Variants in STAT5A observed in about 807,000 individuals in gnomAD.
STAT5A encodes the protein signal transducer and activator of transcription 5A, also known as epididymis secretory sperm binding protein.
A neutral mutation model predicts 100.2 loss-of-function variants in STAT5A; 26 were observed. The ratio of observed to expected loss-of-function variants is 0.26; its 90% CI spans 0.19 to 0.36. STAT5A has a LOEUF of 0.36. Ranked by LOEUF, STAT5A falls within the 10% of genes least tolerant of loss-of-function variation. STAT5A has a pLI of 1.00. For synonymous variants in STAT5A, 330 were observed against 424.3 expected (o/e 0.78, Z 2.73); for missense variants, 634 against 1,027.5 (o/e 0.62, Z 5.24).
At position 42,310,933 on chromosome 17, in the gene STAT5A, C is replaced by T. The variant is rs1433445650; in HGVS notation, c.*264C>T. The T allele has an allele frequency of 3.8e-6, 2 of 529,820 alleles. No individual in the cohort carries two copies. Among genetic ancestry groups the T allele is most frequent in the Admixed American group, 6.4e-5 (2 of 31,292 alleles). The allele number at this position is 529,820 out of a possible 1,614,324, so 32.8% of individuals were successfully genotyped here. A position where few individuals can be genotyped will look rare whatever the true frequency, so the allele number is the denominator to read the frequency against. ...CTCTGTCATGGTAGAGACCGAGCCTCTGTCACTGCAGGCACTCAATGCAGC... is the reference window on the plus strand; with the variant it reads ...CTCTGTCATGGTAGAGACCGAGCCTTTGTCACTGCAGGCACTCAATGCAGC... On this transcript the variant is annotated 3_prime_UTR_variant, in exon 19 of 19. Transcript: ENST00000590949.
At chr17:42,302,980 G>T (rs923303415) in intron 9 of STAT5A, among the ~76,000 whole-genome samples, 1 of 150,576 alleles carries the variant, frequency 6.6e-6, no homozygotes, top group Non-Finnish European at 1.5e-5. Context: ...AGGCACAGTG[G>T]CTCACGCCTG....
In STAT5A at chr17:42,304,226, G is replaced by A. The variant is rs1187431373; in HGVS notation, c.1170-116G>A. ...GCCAAGAAACACTCTTAGGGGATAC[G>A]GGGCAGGGGCTGCTGGCAGGGCTGA... is the stretch of plus-strand genomic sequence containing the variant. On this transcript the variant is annotated intron_variant, in intron 9 of 18. Coordinates refer to ENST00000590949, the MANE Select transcript of STAT5A (RefSeq NM_001288718.2). This position sits in a 1 kb window ranked among gnomAD's most constrained non-coding sequence, Gnocchi z 4.8. The A allele has an allele frequency of 1.9e-5, 18 of 924,050 alleles. No individual in the cohort carries two copies. Among genetic ancestry groups the A allele is most frequent in the Non-Finnish European group, 2.9e-5 (17 of 591,946 alleles). 57.2% of individuals were successfully genotyped at this position (924,050 alleles called of 1,614,324 possible). A position where few individuals can be genotyped will look rare whatever the true frequency, so the allele number is the denominator to read the frequency against.
At chr17:42,299,079 C>T (rs74523710) in intron 5 of STAT5A, among the ~76,000 whole-genome samples, 3,616 of 152,054 alleles carry the variant, frequency 0.024, 137 homozygotes, top group African/African-American at 0.077. Context: ...TGAGGAGGGA[C>T]TGCTGTGCTC....
At chr17:42,297,976 G>T (rs2080935088) in intron 5 of STAT5A, among the ~76,000 whole-genome samples, 1 of 151,576 alleles carries the variant, frequency 6.6e-6, no homozygotes, top group Admixed American at 6.6e-5. Context: ...CAAGGACGCT[G>T]GGCTGTTGAG....
intron 5 of STAT5A, among the ~76,000 whole-genome samples, chr17:42,297,994 T>C (rs9896755): frequency 0.36 from 51,580 of 141,562 alleles, 9,930 homozygotes; most frequent in African/African-American, 0.54. Context: ...GAGAAGGTGA[T>C]GGGAAGGGAT....
At chr17:42,297,973 G>T (rs9915672) in intron 5 of STAT5A, among the ~76,000 whole-genome samples, 9,931 of 150,472 alleles carry the variant, frequency 0.066, 530 homozygotes, top group African/African-American at 0.15. Flanking sequence ...AAGCAAGGAC[G>T]CTGGGCTGTT....
intron 5 of STAT5A, among the ~76,000 whole-genome samples, chr17:42,297,107 T>G (rs959356751): frequency 6.6e-6 from 1 of 152,108 alleles, no homozygotes; most frequent in Admixed American, 6.6e-5. Context: ...ATTTTTTTTT[T>G]TTGTAGTTTT....
At chr17:42,306,062 TG>T in intron 12 of STAT5A, 178 bp from the exon 13 acceptor site, 5 of 1,087,522 alleles carry the variant, frequency 4.6e-6, no homozygotes, top group Middle Eastern at 2.0e-4. Context: ...CCCTGCAGGC[TG>T]GGAAAAAAAG....
intron 5 of STAT5A, 88 bp from the exon 6 acceptor site, chr17:42,299,663 C>T (rs2080955842): frequency 1.8e-5 from 29 of 1,598,368 alleles, no homozygotes; most frequent in Non-Finnish European, 8.5e-7. Context: ...CTGGGAGGGT[C>T]TCGCTCCAGA....
At position 42,310,573 on chromosome 17, in the gene STAT5A, C is replaced by G. The variant is rs771233230; in HGVS notation, c.2289C>G (p.His763Gln). The change falls in exon 19 of 19, where the codon CAC (histidine) becomes CAG (glutamine). Residue 763 changes from histidine to glutamine, a missense_variant. By Grantham distance (24) the His-to-Gln change is conservative. This residue lies in a region of STAT5A where 88 missense variants were observed against 95.1 expected (regional missense o/e 0.92). Coordinates refer to ENST00000590949, the MANE Select transcript of STAT5A (RefSeq NM_001288718.2). The part of the protein sequence containing the change: ...DLDETMDVAR[H>Q]VEELLRRPMD... ...ATGAGACCATGGATGTGGCCAGGCA[C>G]GTGGAGGAACTCTTACGCCGACCAA... The G allele has an allele frequency of 2.5e-6, 4 of 1,614,222 alleles. No individual in the cohort carries two copies. The highest frequency in any genetic ancestry group is 4.5e-5 in the East Asian group (2 of 44,884).
chr17:42,293,903 G>T (rs1169289411), intron 4 of STAT5A, among the ~76,000 whole-genome samples: 1 of 152,166 alleles, frequency 6.6e-6, no homozygotes, highest in East Asian at 1.9e-4. Context: ...ACCAAGTGGG[G>T]AGTTGCCATG....
rs371983678 is a variant in STAT5A, at chr17:42,305,417, G to A, written c.1381-193G>A. ...CTTGGGAAGCTGAGGCAGGAGAATC[G>A]CTTGAACCCGGGAGGCAGAGGTTGT... On this transcript the variant is annotated intron_variant, in intron 11 of 18. Coordinates refer to ENST00000590949, the MANE Select transcript of STAT5A (RefSeq NM_001288718.2). 2.6e-5 allele frequency among the ~76,000 whole-genome samples: 4 copies of A among 152,044 alleles called. No homozygotes were observed. In the East Asian group the frequency reaches 7.8e-4, roughly 30 times the overall value.
chr17:42,295,307 G>A (rs1399726639), intron 4 of STAT5A, among the ~76,000 whole-genome samples: 3 of 152,252 alleles, frequency 2.0e-5, no homozygotes, highest in Non-Finnish European at 4.4e-5. Flanking sequence ...GTCCCTGGGA[G>A]GAAATTAGAT....
Position 42,309,397 on chromosome 17 carries a change from A to G in STAT5A, c.2135A>G (p.Asp712Gly), listed in dbSNP as rs772226127. Residue 712 changes from aspartate to glycine, a missense_variant, in exon 18 of 19, where the codon GAT (aspartate) becomes GGT (glycine). Asp to Gly is a moderately conservative substitution (Grantham distance 94). Around this residue, in one of 5 missense-constraint regions of STAT5A, gnomAD observed 210 missense variants for 428.4 expected, o/e 0.49. Coordinates refer to ENST00000590949, the MANE Select transcript of STAT5A (RefSeq NM_001288718.2). ...VVPEFVNASA[D>G]AGGSSATYMD... ...TGCAGGTTTGTGAATGCATCTGCAGATGCTGGGGGCAGCAGCGCCACGTAC... is the reference window on the plus strand; with the variant it reads ...TGCAGGTTTGTGAATGCATCTGCAGGTGCTGGGGGCAGCAGCGCCACGTAC... The G allele has an allele frequency of 6.2e-7, 1 of 1,612,986 alleles. No homozygotes were observed.
At chr17:42,306,026 C>A in intron 12 of STAT5A, 1 of 775,238 alleles carries the variant, frequency 1.3e-6, no homozygotes, top group East Asian at 2.7e-5. Context: ...TCCCTGCATG[C>A]CCCCACCCCC....
chr17:42,289,251 A>G (rs1210518219), intron 1 of STAT5A, 151 bp from the exon 2 acceptor site: 2 of 871,122 alleles, frequency 2.3e-6, no homozygotes, highest in East Asian at 3.2e-5. Context: ...ACTCCTCACC[A>G]TCTCTGTTCC....
chr17:42,289,600 C>G (rs2080850231), intron 2 of STAT5A, 61 bp downstream of exon 2: 1 of 1,573,608 alleles, frequency 6.4e-7, no homozygotes, highest in Non-Finnish European at 8.6e-7. Flanking sequence ...CCTTTGGCCT[C>G]TAGTTTTACT....
rs73983709 is a variant in STAT5A at position 42,311,450 on chromosome 17, C to G, written c.*781C>G. ...TTCTCTCCCCTCCGTTGGGCCCCAG[C>G]CTTCTTTGCTTGCCTCTCTGTTTGT... On this transcript the variant is annotated 3_prime_UTR_variant, in exon 19 of 19. Transcript: ENST00000590949. The G allele has an allele frequency of 6.6e-6, 1 of 152,232 alleles. No homozygotes were observed. Among genetic ancestry groups the G allele is most frequent in the Admixed American group, 6.6e-5 (1 of 15,256 alleles). 9.4% of individuals were successfully genotyped at this position (152,232 alleles called of 1,614,324 possible). A position where few individuals can be genotyped will look rare whatever the true frequency, so the allele number is the denominator to read the frequency against.
At position 42,299,879 on chromosome 17, in the gene STAT5A, G is replaced by A. The variant is rs758149061; in HGVS notation, c.679G>A (p.Val227Met). The change falls in exon 6 of 19, where the codon GTG becomes ATG. Residue 227 changes from valine to methionine, a missense_variant and splice_region_variant. Coordinates refer to ENST00000590949, the MANE Select transcript of STAT5A (RefSeq NM_001288718.2). ...REAQTLQQYR[V>M]ELAEKHQKTL... ...GGCACAGACACTGCAGCAGTACCGC[G>A]TGGTGAGTGGGGTCCTGGGCCTCTC... is the stretch of plus-strand genomic sequence containing the variant. 2.2e-5 allele frequency: 35 copies of A among 1,607,230 alleles called. No homozygotes were observed. The highest frequency in any genetic ancestry group is 2.1e-4 in the Middle Eastern group (1 of 4,690).
Sources: allele counts gnomAD v4.1 joint callset (sites outside exome capture counted in the v4.1 genomes callset), GRCh38; gene constraint gnomAD v4.1.1; regional missense constraint gnomAD v4.1.1; non-coding constraint Gnocchi (gnomAD v3.1); transcripts MANE v1.5; gene names NCBI Gene and HGNC (gene_info 2026-07-23, HGNC 2026-07-21).